REDIC1: variants seen among roughly 807,000 people sequenced by gnomAD.
REDIC1 encodes HEI10 Interacting Protein 1.
At chr12:39,800,021 A>G in the REDIC1 span, among the ~76,000 whole-genome samples, 1 of 152,192 alleles carries the variant, frequency 6.6e-6, no homozygotes, top group Non-Finnish European at 1.5e-5. Flanking sequence ...TTGCAGTTCA[A>G]TGAAAAGCAG....
At chr12:39,723,635 C>T in the REDIC1 span, among the ~76,000 whole-genome samples, 1 of 151,916 alleles carries the variant, frequency 6.6e-6, no homozygotes, top group East Asian at 1.9e-4. Flanking sequence ...CCAGATGAAA[C>T]AAAATGAAAA....
chr12:39,662,210 C>G, the REDIC1 span, among the ~76,000 whole-genome samples: 1 of 151,976 alleles, frequency 6.6e-6, no homozygotes, highest in Admixed American at 6.6e-5. Flanking sequence ...TACATTGACT[C>G]TGTAGATTGC....
At chr12:39,848,304 T>A in the REDIC1 span, among the ~76,000 whole-genome samples, 1 of 152,134 alleles carries the variant, frequency 6.6e-6, no homozygotes, top group Non-Finnish European at 1.5e-5. Flanking sequence ...ATATCCAGCA[T>A]TTATAAGGAA....
At chr12:39,721,074 A>G in the REDIC1 span, 1 of 1,613,802 alleles carries the variant, frequency 6.2e-7, no homozygotes, top group Non-Finnish European at 8.5e-7. Context: ...GGTGTGATGC[A>G]GGGATACAAA....
At chr12:39,906,790 T>G in the REDIC1 span, among the ~76,000 whole-genome samples, 1 of 152,160 alleles carries the variant, frequency 6.6e-6, no homozygotes, top group Admixed American at 6.6e-5. Flanking sequence ...TATTTTAAAT[T>G]GAACGTTGAT....
At chr12:39,819,573 A>G in the REDIC1 span, among the ~76,000 whole-genome samples, 1 of 152,254 alleles carries the variant, frequency 6.6e-6, no homozygotes, top group Non-Finnish European at 1.5e-5. Flanking sequence ...CTTTTCTCTC[A>G]AATGTCCTTG....
chr12:39,897,759 T>A, the REDIC1 span, among the ~76,000 whole-genome samples: 3 of 152,162 alleles, frequency 2.0e-5, no homozygotes, highest in Non-Finnish European at 4.4e-5. Context: ...AAAAATATTT[T>A]AAAAAATCAT....
At chr12:39,856,884 C>T in the REDIC1 span, among the ~76,000 whole-genome samples, 1 of 152,078 alleles carries the variant, frequency 6.6e-6, no homozygotes, top group Non-Finnish European at 1.5e-5. Context: ...TTTTAGGGGC[C>T]TTGTTTCATA....
At chr12:39,825,176 G>T in the REDIC1 span, among the ~76,000 whole-genome samples, 125 of 152,184 alleles carry the variant, frequency 8.2e-4, no homozygotes, top group African/African-American at 2.9e-3. Context: ...CTGAATCAGC[G>T]CATTAAGAAA....
chr12:39,901,858 C>A, the REDIC1 span, among the ~76,000 whole-genome samples: 1 of 149,446 alleles, frequency 6.7e-6, no homozygotes, highest in Non-Finnish European at 1.5e-5. Flanking sequence ...ACCCAAAGGA[C>A]TATAAATCAT....
chr12:39,860,088 A>G, the REDIC1 span, among the ~76,000 whole-genome samples: 1 of 152,222 alleles, frequency 6.6e-6, no homozygotes, highest in Admixed American at 6.5e-5. Context: ...TATTAACAAT[A>G]ACTCCTAAAG....
chr12:39,895,773 TATGCGTGTATACGTACAC>T, the REDIC1 span, among the ~76,000 whole-genome samples: 1 of 93,548 alleles, frequency 1.1e-5, no homozygotes, highest in African/African-American at 4.2e-5. Context: ...CACACATGTA[TATGCGTGTATACGTACAC>T]ACATGTATAT....
chr12:39,755,343 CAG>C, the REDIC1 span: 1 of 151,960 alleles, frequency 6.6e-6, no homozygotes, highest in South Asian at 2.1e-4. Flanking sequence ...AACATGCACT[CAG>C]AAATTAAAAT....
chr12:39,896,450 G>GTGTATATATGTACACATATATGTATA, the REDIC1 span, among the ~76,000 whole-genome samples: 4 of 112,858 alleles, frequency 3.5e-5, no homozygotes, highest in Non-Finnish European at 7.3e-5. Flanking sequence ...ATATGTATAT[G>GTGTATATATGTACACATATATGTATA]TGTGTATATA....
chr12:39,880,761 C>A, the REDIC1 span, among the ~76,000 whole-genome samples: 4 of 152,188 alleles, frequency 2.6e-5, no homozygotes, highest in Admixed American at 2.6e-4. Context: ...CTCACTCTGG[C>A]TTCATACCTC....
chr12:39,629,580 C>T, the REDIC1 span, among the ~76,000 whole-genome samples: 1 of 152,098 alleles, frequency 6.6e-6, no homozygotes. Flanking sequence ...GGGACTTTAC[C>T]AGTCATATAT....
At chr12:39,790,052 A>C in the REDIC1 span, among the ~76,000 whole-genome samples, 1 of 151,926 alleles carries the variant, frequency 6.6e-6, no homozygotes, top group South Asian at 2.1e-4. Context: ...ATTTAACCCA[A>C]TATATCCTAA....
At chr12:39,873,945 A>G in the REDIC1 span, among the ~76,000 whole-genome samples, 3 of 152,212 alleles carry the variant, frequency 2.0e-5, no homozygotes, top group Non-Finnish European at 4.4e-5. Flanking sequence ...TTTATTTATT[A>G]AGTACCTAGT....
At chr12:39,760,008 T>C in the REDIC1 span, 1 of 1,594,452 alleles carries the variant, frequency 6.3e-7, no homozygotes, top group East Asian at 2.2e-5. Context: ...AATAACTAAA[T>C]ATATGAGCAG....
Sources: gnomAD v4.1 joint callset for allele counts (sites outside exome capture counted in the v4.1 genomes callset) on GRCh38, gnomAD v4.1.1 for gene constraint, MANE v1.5 for transcripts, NCBI Gene and HGNC (gene_info 2026-07-23, HGNC 2026-07-21) for gene names.